The following PEX5L variants were observed in gnomAD, a reference collection of about 807,000 sequenced individuals.
The protein encoded by PEX5L is PEX5-related protein.
PEX5L carries 30 observed loss-of-function variants against 84.0 expected under a neutral mutation model. The observed-to-expected ratio is 0.36, with a 90% CI of 0.27 to 0.48. The LOEUF is 0.48. PEX5L is among the 20% of genes least tolerant of loss of function. The pLI is 0.99. For synonymous variants in PEX5L, 270 were observed against 283.1 expected, an observed-to-expected ratio of 0.95 and a Z score of 0.46; for missense variants, 533 against 754.6, an observed-to-expected ratio of 0.71 and a Z score of 3.44.
intron 8 of PEX5L, among the ~76,000 whole-genome samples, chr3:179,847,256 A>G (rs1739856124): frequency 6.6e-6 from 1 of 152,086 alleles, no homozygotes; most frequent in South Asian, 2.1e-4. Context: ...TGATATATAG[A>G]TAACTGTATA....
intron 7 of PEX5L, among the ~76,000 whole-genome samples, chr3:179,870,700 C>T (rs1462319235): frequency 6.6e-6 from 1 of 152,212 alleles, no homozygotes; most frequent in Non-Finnish European, 1.5e-5. Context: ...CTCCAATCAT[C>T]TGGGCCTTCC....
At chr3:179,995,974 C>G (rs1360594567) in intron 1 of PEX5L, among the ~76,000 whole-genome samples, 1 of 152,132 alleles carries the variant, frequency 6.6e-6, no homozygotes, top group Non-Finnish European at 1.5e-5. Context: ...AAACAGCTTC[C>G]CCATTCCCGT....
At chr3:179,803,384 C>T (rs1178090886) in intron 14 of PEX5L, among the ~76,000 whole-genome samples, 1 of 152,158 alleles carries the variant, frequency 6.6e-6, no homozygotes, top group Non-Finnish European at 1.5e-5. Flanking sequence ...ATATAACCCA[C>T]ATAAACAAAA....
chr3:179,819,035 C>CT (rs201033285), intron 9 of PEX5L, among the ~76,000 whole-genome samples: 24,238 of 138,020 alleles, frequency 0.18, 2,002 homozygotes, highest in Middle Eastern at 0.22. Flanking sequence ...ACAGTTCTTT[C>CT]TTTTTTTTTT....
At chr3:179,846,481 A>G (rs1246537979) in intron 8 of PEX5L, among the ~76,000 whole-genome samples, 1 of 151,830 alleles carries the variant, frequency 6.6e-6, no homozygotes, top group African/African-American at 2.4e-5. Flanking sequence ...TCGTTTCATC[A>G]CCCCCACCAC....
At chr3:179,947,784 G>A (rs71312103) in intron 2 of PEX5L, among the ~76,000 whole-genome samples, 14,600 of 146,398 alleles carry the variant, frequency 0.1, 861 homozygotes, top group Admixed American at 0.16. Flanking sequence ...TCCACTCACC[G>A]CAAGCTCTGC....
chr3:179,997,723 G>C (rs1466779720), intron 1 of PEX5L, among the ~76,000 whole-genome samples: 9 of 152,210 alleles, frequency 5.9e-5, no homozygotes, highest in African/African-American at 2.2e-4. Flanking sequence ...GACTCCAATT[G>C]CAAGTGCTTT....
At chr3:179,832,900 C>G (rs1238288001) in intron 8 of PEX5L, among the ~76,000 whole-genome samples, 1 of 152,254 alleles carries the variant, frequency 6.6e-6, no homozygotes, top group Admixed American at 6.5e-5. Context: ...CACCCGCCCA[C>G]CTACCTACCT....
At chr3:179,974,914 A>T (rs1375364967) in intron 1 of PEX5L, among the ~76,000 whole-genome samples, 7 of 152,206 alleles carry the variant, frequency 4.6e-5, no homozygotes, top group Non-Finnish European at 1.0e-4. Flanking sequence ...AGAAAAATAT[A>T]GGCCAGGTAT....
intron 2 of PEX5L, among the ~76,000 whole-genome samples, chr3:179,967,060 G>A (rs188532800): frequency 1.7e-4 from 26 of 152,294 alleles, no homozygotes; most frequent in African/African-American, 5.8e-4. Context: ...AGTGTTTGTA[G>A]GGAAGTTTAT....
At chr3:180,018,041 C>T (rs533413740) in intron 1 of PEX5L, among the ~76,000 whole-genome samples, 2 of 152,194 alleles carry the variant, frequency 1.3e-5, no homozygotes, top group Admixed American at 6.5e-5. Flanking sequence ...GGGAGTATAG[C>T]CAAAAGGCAA....
intron 7 of PEX5L, among the ~76,000 whole-genome samples, chr3:179,863,665 G>C (rs1176622610): frequency 6.6e-6 from 1 of 152,080 alleles, no homozygotes; most frequent in Admixed American, 6.6e-5. Flanking sequence ...GTCTGTTATC[G>C]AAAAGATGAA....
At chr3:179,932,586 A>G (rs1773401529) in intron 2 of PEX5L, among the ~76,000 whole-genome samples, 1 of 152,230 alleles carries the variant, frequency 6.6e-6, no homozygotes, top group African/African-American at 2.4e-5. Flanking sequence ...AAAAGCCACA[A>G]GAGATAGGAT....
intron 8 of PEX5L, among the ~76,000 whole-genome samples, chr3:179,854,243 T>C (rs1228500527): frequency 6.6e-6 from 1 of 151,864 alleles, no homozygotes; most frequent in African/African-American, 2.4e-5. Context: ...GCTTGAGGAA[T>C]GACAGTCTTT....
intron 1 of PEX5L, among the ~76,000 whole-genome samples, chr3:180,005,544 T>C (rs993810313): frequency 6.6e-6 from 1 of 152,164 alleles, no homozygotes; most frequent in African/African-American, 2.4e-5. Flanking sequence ...CTGGCTAACA[T>C]GGTGAAACCC....
chr3:179,836,690 A>G (rs1735077870), intron 8 of PEX5L, among the ~76,000 whole-genome samples: 1 of 152,212 alleles, frequency 6.6e-6, no homozygotes, highest in Non-Finnish European at 1.5e-5. Flanking sequence ...AATCACAAAT[A>G]AAAACCAATT....
chr3:179,957,907 T>C (rs1265042406), intron 2 of PEX5L, among the ~76,000 whole-genome samples: 1 of 152,198 alleles, frequency 6.6e-6, no homozygotes, highest in African/African-American at 2.4e-5. Context: ...GGCCTCAGAA[T>C]GGGCACGTAT....
intron 8 of PEX5L, among the ~76,000 whole-genome samples, chr3:179,832,436 C>A (rs762262784): frequency 6.6e-5 from 10 of 151,510 alleles, no homozygotes; most frequent in Non-Finnish European, 1.5e-4. Context: ...ACCCACTAAC[C>A]TTCCTACTTA....
chr3:180,026,133 CTTT>C (rs368852075), intron 1 of PEX5L, among the ~76,000 whole-genome samples: 1,440 of 101,728 alleles, frequency 0.014, 15 homozygotes, highest in East Asian at 0.045. Context: ...TTTCAGCATT[CTTT>C]TTTTTTTTTT....
Sources: allele counts gnomAD v4.1 joint callset (sites outside exome capture counted in the v4.1 genomes callset), GRCh38; gene constraint gnomAD v4.1.1; transcripts MANE v1.5; gene names NCBI Gene and HGNC (gene_info 2026-07-23, HGNC 2026-07-21).